The following SYNE3 variants were observed in gnomAD, a reference collection of about 807,000 sequenced individuals.
SYNE3 encodes the protein spectrin repeat containing nuclear envelope family member 3, also known as nesprin-3.
In SYNE3, 100 loss-of-function variants were observed where a neutral mutation model predicts 111.2. That is an observed-to-expected ratio of 0.90 (90% CI 0.77 to 1.06). The LOEUF (loss-of-function observed/expected upper bound fraction) is 1.06. Ranked by LOEUF, SYNE3 falls within the 50% of genes least tolerant of loss-of-function variation. The probability of loss-of-function intolerance (pLI) is 0.00; values close to 1 mark genes in which losing one functional copy is unlikely to be tolerated. For missense variants in SYNE3, 1,160 were observed against 1,240.3 expected (o/e 0.94, Z 0.97); for synonymous variants, 547 against 533.9 (o/e 1.02, Z -0.34).
chr14:95,468,073 G>C, intron 2 of SYNE3, 106 bp from the exon 3 acceptor site: 1 of 1,310,238 alleles, frequency 7.6e-7, no homozygotes, highest in Non-Finnish European at 1.0e-6. Flanking sequence ...GAAGGCCAGA[G>C]GATCTGGGAT....
intron 11 of SYNE3, 116 bp from the exon 12 acceptor site, chr14:95,440,191 C>G (rs1886338604): frequency 8.6e-7 from 1 of 1,156,410 alleles, no homozygotes; most frequent in Non-Finnish European, 1.2e-6. Flanking sequence ...GGGCTCCCCA[C>G]CAAGTAGCAC....
At chr14:95,443,356 G>A in intron 10 of SYNE3, 67 bp from the exon 11 acceptor site, 1 of 1,584,554 alleles carries the variant, frequency 6.3e-7, no homozygotes, top group Non-Finnish European at 8.6e-7. Context: ...TGGCCGATCA[G>A]GGCAGAGCCT....
At chr14:95,424,217 A>T (rs1372693552) in intron 17 of SYNE3, among the ~76,000 whole-genome samples, 2 of 151,522 alleles carry the variant, frequency 1.3e-5, no homozygotes, top group Non-Finnish European at 2.9e-5. Context: ...CACAGGTGTG[A>T]GAGGAGATGC....
At chr14:95,514,980 G>C (rs1279402191) in intron 1 of SYNE3, among the ~76,000 whole-genome samples, 1 of 152,248 alleles carries the variant, frequency 6.6e-6, no homozygotes, top group Non-Finnish European at 1.5e-5. Flanking sequence ...TGTTCCCATG[G>C]AGACAGACAG....
intron 11 of SYNE3, among the ~76,000 whole-genome samples, chr14:95,441,850 A>G (rs4905308): frequency 0.43 from 65,150 of 152,166 alleles, 14,603 homozygotes; most frequent in East Asian, 0.72. Context: ...GAGGGTTTGC[A>G]GTTGCTGCGA....
chr14:95,422,554 G>A (rs561347361), intron 17 of SYNE3, among the ~76,000 whole-genome samples: 9 of 152,210 alleles, frequency 5.9e-5, no homozygotes, highest in Non-Finnish European at 1.3e-4. Context: ...CGGGATCTGT[G>A]GAGGATGGGT....
chr14:95,438,931 G>A (rs950582436), intron 14 of SYNE3, 102 bp downstream of exon 14: 45 of 1,509,058 alleles, frequency 3.0e-5, no homozygotes, highest in East Asian at 2.3e-5. Flanking sequence ...TCAGAGCAGA[G>A]CATGTTGCCC....
chr14:95,469,674 A>G (rs923377980), intron 2 of SYNE3, among the ~76,000 whole-genome samples: 1 of 151,922 alleles, frequency 6.6e-6, no homozygotes, highest in Non-Finnish European at 1.5e-5. Flanking sequence ...TCAAACCACT[A>G]CGCTCCAGCC....
intron 1 of SYNE3, among the ~76,000 whole-genome samples, chr14:95,501,642 G>A (rs993109578): frequency 2.0e-5 from 3 of 152,190 alleles, no homozygotes; most frequent in African/African-American, 7.2e-5. Flanking sequence ...CTCAAAGGGA[G>A]GGCTGGTCAG....
At chr14:95,506,509 A>G (rs1388599348) in intron 1 of SYNE3, among the ~76,000 whole-genome samples, 1 of 152,224 alleles carries the variant, frequency 6.6e-6, no homozygotes, top group Non-Finnish European at 1.5e-5. Flanking sequence ...AGCATCGGCC[A>G]GCAACACCTG....
chr14:95,444,650 T>A (rs759490079), intron 9 of SYNE3, 22 bp from the exon 10 acceptor site: 1 of 1,565,810 alleles, frequency 6.4e-7, no homozygotes, highest in East Asian at 2.3e-5. Context: ...CAGGACAGTG[T>A]GCACATTAAG....
At chr14:95,462,707 C>G (rs2139462119) in intron 4 of SYNE3, among the ~76,000 whole-genome samples, 1 of 152,334 alleles carries the variant, frequency 6.6e-6, no homozygotes, top group South Asian at 2.1e-4. Context: ...CACAGAAGCA[C>G]CCGGGGCCCC....
At chr14:95,448,180 A>G (rs1462295394) in intron 8 of SYNE3, among the ~76,000 whole-genome samples, 2 of 152,256 alleles carry the variant, frequency 1.3e-5, no homozygotes, top group Non-Finnish European at 2.9e-5. Flanking sequence ...TGGTGACCAT[A>G]TCTCATGGAA....
chr14:95,463,002 C>T (rs1362101100), intron 4 of SYNE3, among the ~76,000 whole-genome samples: 1 of 152,006 alleles, frequency 6.6e-6, no homozygotes, highest in East Asian at 1.9e-4. Context: ...CTAAAAAATA[C>T]AAAATTAGCC....
At chr14:95,480,762 GAA>G (rs34792321) in intron 1 of SYNE3, among the ~76,000 whole-genome samples, 71 of 147,706 alleles carry the variant, frequency 4.8e-4, no homozygotes, top group African/African-American at 1.7e-3. Context: ...GATGCAAACT[GAA>G]AAAAAAAAGG....
intron 16 of SYNE3, among the ~76,000 whole-genome samples, chr14:95,432,693 C>G (rs1262308517): frequency 6.7e-6 from 1 of 150,020 alleles, no homozygotes; most frequent in African/African-American, 2.4e-5. Flanking sequence ...TGTGAGGAGA[C>G]ACAGGGGCCC....
At chr14:95,492,043 C>T (rs1273833775) in intron 1 of SYNE3, among the ~76,000 whole-genome samples, 1 of 152,194 alleles carries the variant, frequency 6.6e-6, no homozygotes, top group African/African-American at 2.4e-5. Flanking sequence ...CATCACTAGC[C>T]ATCAGGGAAA....
chr14:95,465,646 T>C (rs1359609685), intron 4 of SYNE3, among the ~76,000 whole-genome samples: 2 of 151,878 alleles, frequency 1.3e-5, no homozygotes, highest in Non-Finnish European at 2.9e-5. Flanking sequence ...GGAGAATACA[T>C]GGATGAACAA....
rs546845548 is a variant in SYNE3, at chr14:95,437,931, T to C, written c.2377-950A>G. 1.2e-4 allele frequency: 19 copies of C among 152,360 alleles called. No homozygotes were observed. The East Asian group carries it at 2.7e-3, about 22-fold the overall frequency. The allele number at this position is 152,360 out of a possible 1,614,324, so 9.4% of individuals were successfully genotyped here. Reference sequence around the variant, plus strand: ...ATGCTCTCTCCCTTGCAGGTGCTACTGCTAGTGGCTCACAGAGGTGAGTAT... The same window carrying C: ...ATGCTCTCTCCCTTGCAGGTGCTACCGCTAGTGGCTCACAGAGGTGAGTAT... On this transcript the variant is annotated intron_variant, in intron 14 of 17. Coordinates refer to ENST00000682763, the MANE Select transcript of SYNE3 (RefSeq NM_152592.6).
Sources: allele counts gnomAD v4.1 joint callset (sites outside exome capture counted in the v4.1 genomes callset), GRCh38; gene constraint gnomAD v4.1.1; transcripts MANE v1.5; gene names NCBI Gene and HGNC (gene_info 2026-07-23, HGNC 2026-07-21).